Variants in THOC1 observed in about 807,000 individuals in gnomAD.
THOC1 encodes THO complex subunit 1.
A neutral mutation model predicts 97.3 loss-of-function variants in THOC1; 29 were observed. The ratio of observed to expected loss-of-function variants is 0.30; its 90% CI spans 0.22 to 0.41. The LOEUF is 0.41. Ranked by LOEUF, THOC1 falls within the 10% of genes least tolerant of loss-of-function variation. THOC1 has a pLI of 1.00. For synonymous variants in THOC1, 255 were observed against 257.0 expected (o/e 0.99, Z 0.07); for missense variants, 529 against 761.9 (o/e 0.69, Z 3.60).
chr18:234,552 T>G (rs1598295309), intron 11 of THOC1, among the ~76,000 whole-genome samples: 2 of 152,092 alleles, frequency 1.3e-5, no homozygotes, highest in East Asian at 3.9e-4. Context: ...TGTTTTTTTT[T>G]TGTTTTGTTT....
intron 11 of THOC1, among the ~76,000 whole-genome samples, chr18:243,754 T>C (rs1008338609): frequency 6.6e-6 from 1 of 152,196 alleles, no homozygotes; most frequent in African/African-American, 2.4e-5. Flanking sequence ...AGAAGAGCTT[T>C]GGGATTTTCT....
chr18:246,251 A>G, intron 11 of THOC1, 73 bp downstream of exon 11: 1 of 1,167,552 alleles, frequency 8.6e-7, no homozygotes, highest in Non-Finnish European at 1.2e-6. Context: ...TTTAACTTAG[A>G]AAGGCTGTCA....
At chr18:266,081 GTA>G (rs1912757826) in intron 1 of THOC1, among the ~76,000 whole-genome samples, 1 of 152,180 alleles carries the variant, frequency 6.6e-6, no homozygotes, top group Non-Finnish European at 1.5e-5. Flanking sequence ...CCTCCTGGAG[GTA>G]TCTTGTTCAG....
chr18:234,237 C>T (rs1911595741), intron 11 of THOC1, among the ~76,000 whole-genome samples: 1 of 152,146 alleles, frequency 6.6e-6, no homozygotes, highest in African/African-American at 2.4e-5. Context: ...ATAGTTTACT[C>T]TTTTCTTTCC....
rs757874733 is a variant in THOC1, at chr18:246,386, T to C, written c.856A>G (p.Met286Val). 6.2e-6 allele frequency: 10 copies of C among 1,605,028 alleles called. No homozygotes were observed. The South Asian group carries it at 8.8e-5, about 14-fold the overall frequency. Residue 286 changes from methionine (M) to valine (V), a missense_variant, in exon 11 of 21, where the codon ATG (methionine) becomes GTG (valine). By Grantham distance (21) the Met-to-Val change is conservative (BLOSUM62 1). Around this residue, in one of 8 missense-constraint regions of THOC1, gnomAD observed 92 missense variants for 127.0 expected, o/e 0.72. Transcript: ENST00000261600. ...TCTCCTCCTGTTTTCAATTCTTCCA[T>C]CTTTTTTCTTGAGGCCTGAGTATCA... ...LDDTQASRKK[M>V]EELKTGGEHV...
chr18:225,319 G>A lies in THOC1; in HGVS notation c.1086+18C>T, dbSNP rs1165859043. ...TTTCCATTTTTTCAATCATGGGTTT[G>A]TTGCGTGTTGAACTTACTTGATAAA... is the stretch of plus-strand genomic sequence containing the variant. On this transcript the variant is annotated intron_variant, in intron 13 of 20. Transcript: ENST00000261600. 6.2e-7 allele frequency: 1 copy of A among 1,611,908 alleles called. No homozygotes were observed.
chr18:259,071 T>C (rs1912523398), intron 7 of THOC1, 109 bp downstream of exon 7: 2 of 765,452 alleles, frequency 2.6e-6, no homozygotes, highest in Non-Finnish European at 4.2e-6. Flanking sequence ...TTCTATGATG[T>C]CTTTCAACTT....
At chr18:241,257 A>G (rs1029316577) in intron 11 of THOC1, among the ~76,000 whole-genome samples, 4 of 152,194 alleles carry the variant, frequency 2.6e-5, no homozygotes, top group Admixed American at 2.6e-4. Flanking sequence ...GCTAGGCTAT[A>G]GTATATCTTA....
chr18:252,710 C>T (rs550331973), intron 8 of THOC1, 98 bp from the exon 9 acceptor site: 43 of 969,370 alleles, frequency 4.4e-5, no homozygotes, highest in Non-Finnish European at 6.5e-5. Flanking sequence ...TCCTAGGCAA[C>T]CCACAGTTAG....
At chr18:222,967 C>T (rs756337241) in intron 17 of THOC1, among the ~76,000 whole-genome samples, 1 of 151,978 alleles carries the variant, frequency 6.6e-6, no homozygotes, top group Non-Finnish European at 1.5e-5. Flanking sequence ...TGGACCTCCT[C>T]AACTATCATT....
At chr18:236,250 C>T (rs1911678033) in intron 11 of THOC1, among the ~76,000 whole-genome samples, 1 of 151,698 alleles carries the variant, frequency 6.6e-6, no homozygotes, top group Non-Finnish European at 1.5e-5. Context: ...CTTTTATTTT[C>T]CATGTAAGTT....
chr18:243,105 A>G (rs540346782), intron 11 of THOC1, among the ~76,000 whole-genome samples: 1 of 152,340 alleles, frequency 6.6e-6, no homozygotes, highest in Admixed American at 6.5e-5. Context: ...CATGCCTCAC[A>G]TTCTCTTTGG....
At chr18:248,593 A>G (rs1259744779) in intron 9 of THOC1, among the ~76,000 whole-genome samples, 1 of 152,176 alleles carries the variant, frequency 6.6e-6, no homozygotes, top group Non-Finnish European at 1.5e-5. Context: ...TAAAAATATT[A>G]TATCCTAAGA....
chr18:255,183 G>A, intron 7 of THOC1, among the ~76,000 whole-genome samples: 1 of 152,136 alleles, frequency 6.6e-6, no homozygotes, highest in East Asian at 1.9e-4. Context: ...ATCCTGCAAT[G>A]GATTCTAAGT....
At position 265,239 on chromosome 18, in the gene THOC1, A is replaced by T. The variant is rs934797032; in HGVS notation, c.189+64T>A. ...AATATCCATTCTAAGAAAAAAAGCA[A>T]TTTTTAAATAACATGGTTTATTAAT... is the stretch of plus-strand genomic sequence containing the variant. On this transcript the variant is annotated intron_variant, in intron 3 of 20. Transcript: ENST00000261600. The T allele has an allele frequency of 3.6e-6, 5 of 1,379,512 alleles. No individual in the cohort carries two copies. The African/African-American group carries it at 7.4e-5, about 20-fold the overall frequency. The allele number at this position is 1,379,512 out of a possible 1,614,324, so 85.5% of individuals were successfully genotyped here.
chr18:263,506 T>C (rs1912670269), intron 4 of THOC1: 1 of 152,534 alleles, frequency 6.6e-6, no homozygotes, highest in African/African-American at 2.4e-5. Flanking sequence ...CCTTTCTTAG[T>C]ATGTCTAACA....
intron 11 of THOC1, among the ~76,000 whole-genome samples, chr18:241,948 A>G (rs565286313): frequency 3.2e-4 from 49 of 152,302 alleles, no homozygotes; most frequent in African/African-American, 1.2e-3. Flanking sequence ...TCAGCACTAC[A>G]TTTAGCAAGT....
At chr18:218,288 C>T (rs1278776233) in intron 18 of THOC1, among the ~76,000 whole-genome samples, 2 of 152,110 alleles carry the variant, frequency 1.3e-5, no homozygotes, top group African/African-American at 4.8e-5. Context: ...TAGAGGGAAT[C>T]GAACCTATGC....
At chr18:227,393 C>A (rs545657758) in intron 11 of THOC1, among the ~76,000 whole-genome samples, 1 of 151,954 alleles carries the variant, frequency 6.6e-6, no homozygotes, top group East Asian at 1.9e-4. Flanking sequence ...AAAGAAGATA[C>A]GGATAACAGC....
Sources: allele counts gnomAD v4.1 joint callset (sites outside exome capture counted in the v4.1 genomes callset), GRCh38; gene constraint gnomAD v4.1.1; regional missense constraint gnomAD v4.1.1; transcripts MANE v1.5; gene names NCBI Gene and HGNC (gene_info 2026-07-23, HGNC 2026-07-21).